The following ACYP2 variants were observed in gnomAD, a reference collection of about 807,000 sequenced individuals.
The protein encoded by ACYP2 is acylphosphatase-2.
In ACYP2, 12 loss-of-function variants were observed where a neutral mutation model predicts 11.2. That is an observed-to-expected ratio of 1.08 (90% CI 0.69 to 1.74). The LOEUF is 1.74. ACYP2 is among the 40% of genes most tolerant of loss of function. ACYP2 has a pLI of 0.00. For missense variants in ACYP2, 134 were observed against 101.9 expected, an observed-to-expected ratio of 1.31 and a Z score of -1.35; for synonymous variants, 43 against 32.2, an observed-to-expected ratio of 1.33 and a Z score of -1.13.
intron 4 of ACYP2, among the ~76,000 whole-genome samples, chr2:54,104,832 C>T (rs546428514): frequency 6.6e-6 from 1 of 152,154 alleles, no homozygotes; most frequent in South Asian, 2.1e-4. Flanking sequence ...CCCCAAGTTC[C>T]CCAAGTGAAC....
intron 2 of ACYP2, among the ~76,000 whole-genome samples, chr2:53,991,903 G>A (rs560857486): frequency 7.2e-5 from 11 of 152,134 alleles, no homozygotes; most frequent in African/African-American, 2.6e-4. Flanking sequence ...TTGGCCTAAA[G>A]CAATCCTCCT....
chr2:54,171,193 CA>C (rs1223638516), intron 6 of ACYP2, among the ~76,000 whole-genome samples: 3 of 152,132 alleles, frequency 2.0e-5, no homozygotes, highest in African/African-American at 7.2e-5. Flanking sequence ...TGCACATTCC[CA>C]AAGGTTCACG....
intron 6 of ACYP2, among the ~76,000 whole-genome samples, chr2:54,206,456 A>G (rs1489549327): frequency 1.3e-5 from 2 of 152,210 alleles, no homozygotes; most frequent in Non-Finnish European, 2.9e-5. Flanking sequence ...TTATGTTATC[A>G]TATGTTCTTG....
chr2:54,292,655 T>A (rs1363361326), intron 6 of ACYP2, among the ~76,000 whole-genome samples: 1 of 118,166 alleles, frequency 8.5e-6, no homozygotes, highest in African/African-American at 3.2e-5. Flanking sequence ...TCTGATTGTG[T>A]GTGTATATAT....
At chr2:54,098,669 A>G (rs1678723781) in intron 4 of ACYP2, among the ~76,000 whole-genome samples, 1 of 151,292 alleles carries the variant, frequency 6.6e-6, no homozygotes, top group Non-Finnish European at 1.5e-5. Context: ...CTCCCAACAT[A>G]ATTTGGTCAC....
At chr2:54,299,773 A>G (rs1206527233) in intron 6 of ACYP2, among the ~76,000 whole-genome samples, 1 of 152,068 alleles carries the variant, frequency 6.6e-6, no homozygotes, top group African/African-American at 2.4e-5. Context: ...CCTGCTGAAA[A>G]AAACTCTGGC....
Position 54,138,672 on chromosome 2 carries a change from G to A in ACYP2, c.328G>A (p.Val110Ile). 6.2e-7 allele frequency: 1 copy of A among 1,614,086 alleles called. No individual in the cohort carries two copies. Among genetic ancestry groups the A allele is most frequent in the Non-Finnish European group, 8.5e-7 (1 of 1,179,982 alleles). The change falls in exon 6 of 7, where the codon GTT becomes ATT. Residue 110 changes from valine (V) to isoleucine (I), a missense_variant. Coordinates refer to ENST00000607452, the MANE Select transcript of ACYP2 (RefSeq NM_001320586.2). The stretch of plus-strand genomic sequence containing the variant: ...AGATGAAGCTAGGAAAATAGGAGTG[G>A]TTGGCTGGGTGAAGAATACCAGCAA...
intron 6 of ACYP2, among the ~76,000 whole-genome samples, chr2:54,139,261 G>A (rs948540929): frequency 1.3e-5 from 2 of 152,312 alleles, no homozygotes; most frequent in Non-Finnish European, 2.9e-5. Flanking sequence ...AGGATGGTTC[G>A]TGAAGTTCTT....
intron 6 of ACYP2, among the ~76,000 whole-genome samples, chr2:54,167,690 CTT>C (rs1683052826): frequency 6.6e-6 from 1 of 152,098 alleles, no homozygotes; most frequent in African/African-American, 2.4e-5. Flanking sequence ...AGGAAAGTGT[CTT>C]TATTTTTTAT....
intron 4 of ACYP2, among the ~76,000 whole-genome samples, chr2:54,116,881 C>T (rs1183214696): frequency 2.6e-5 from 4 of 152,068 alleles, no homozygotes; most frequent in East Asian, 3.9e-4. Context: ...AGCAGGCGTA[C>T]GAGCTCAAGT....
intron 2 of ACYP2, among the ~76,000 whole-genome samples, chr2:54,043,337 G>A (rs1042132570): frequency 1.3e-5 from 2 of 152,106 alleles, no homozygotes; most frequent in African/African-American, 4.8e-5. Flanking sequence ...ACCACTTTTT[G>A]GATATGGTTT....
intron 2 of ACYP2, among the ~76,000 whole-genome samples, chr2:54,012,639 C>T (rs752698646): frequency 6.6e-6 from 1 of 152,108 alleles, no homozygotes; most frequent in East Asian, 1.9e-4. Flanking sequence ...TCTGGTGACT[C>T]CTCTATCCTC....
intron 6 of ACYP2, among the ~76,000 whole-genome samples, chr2:54,235,278 GT>G (rs34554365): frequency 0.24 from 35,827 of 148,424 alleles, 4,574 homozygotes; most frequent in South Asian, 0.43. Context: ...TATAAGACAG[GT>G]TTTTTTTTTT....
intron 6 of ACYP2, among the ~76,000 whole-genome samples, chr2:54,303,440 CAAG>C: frequency 6.6e-6 from 1 of 152,220 alleles, no homozygotes; most frequent in East Asian, 1.9e-4. Context: ...TAGGAGGTTT[CAAG>C]AAGACGTGGC....
chr2:53,973,088 C>A (rs1203968897), intron 1 of ACYP2, among the ~76,000 whole-genome samples: 1 of 152,036 alleles, frequency 6.6e-6, no homozygotes, highest in East Asian at 1.9e-4. Flanking sequence ...AGGAGGAGTT[C>A]TAGGAAACTG....
chr2:54,095,741 A>T (rs1184742260), intron 4 of ACYP2, among the ~76,000 whole-genome samples: 1 of 108,144 alleles, frequency 9.2e-6, no homozygotes, highest in Non-Finnish European at 1.9e-5. Flanking sequence ...GCGGCCGGGC[A>T]GAGGCGCCCC....
At chr2:54,046,604 A>T (rs1573601016) in intron 2 of ACYP2, among the ~76,000 whole-genome samples, 1 of 152,146 alleles carries the variant, frequency 6.6e-6, no homozygotes, top group East Asian at 1.9e-4. Flanking sequence ...TCGACAAAAT[A>T]TTTGTTGAAT....
chr2:54,131,355 A>G (rs79000591), intron 4 of ACYP2, among the ~76,000 whole-genome samples: 10 of 152,214 alleles, frequency 6.6e-5, no homozygotes, highest in Non-Finnish European at 8.8e-5. Context: ...GTCATCATCA[A>G]TGAATAGATG....
At chr2:54,152,934 A>G (rs890013231) in intron 6 of ACYP2, among the ~76,000 whole-genome samples, 1 of 152,190 alleles carries the variant, frequency 6.6e-6, no homozygotes, top group Non-Finnish European at 1.5e-5. Flanking sequence ...AGTAGCTGGT[A>G]TTACAGGCTC....
Sources: allele counts gnomAD v4.1 joint callset (sites outside exome capture counted in the v4.1 genomes callset), GRCh38; gene constraint gnomAD v4.1.1; transcripts MANE v1.5; gene names NCBI Gene and HGNC (gene_info 2026-07-23, HGNC 2026-07-21).